Variants in STK32C observed in about 807,000 individuals in gnomAD.
STK32C encodes the protein serine/threonine-protein kinase 32C.
A neutral mutation model predicts 56.5 loss-of-function variants in STK32C; 31 were observed. The observed-to-expected ratio is 0.55, with a 90% CI of 0.41 to 0.74. STK32C has a LOEUF of 0.74. Among genes scored for constraint, STK32C ranks in the 30% least tolerant of loss-of-function variants. The pLI is 0.00. For missense variants in STK32C, 544 were observed against 676.9 expected (o/e 0.80, Z 2.18); for synonymous variants, 309 against 289.4 (o/e 1.07, Z -0.69).
intron 1 of STK32C, among the ~76,000 whole-genome samples, chr10:132,302,410 G>A (rs921397348): frequency 6.6e-5 from 10 of 152,344 alleles, no homozygotes; most frequent in Non-Finnish European, 1.3e-4. Context: ...CAGCTGGGAA[G>A]GAGAAGAGGC....
At chr10:132,245,497 G>A (rs531982721) in intron 2 of STK32C, among the ~76,000 whole-genome samples, 34 of 152,370 alleles carry the variant, frequency 2.2e-4, no homozygotes, top group African/African-American at 8.2e-4. Flanking sequence ...AGGGCACTCT[G>A]GACGGGGCTG....
At chr10:132,311,536 G>T (rs1438476156), upstream of STK32C, among the ~76,000 whole-genome samples, 1 of 152,338 alleles carries the variant, frequency 6.6e-6, no homozygotes, top group East Asian at 1.9e-4. This position sits in a 1 kb window ranked among gnomAD's most constrained non-coding sequence, Gnocchi z 4.4. Flanking sequence ...GATTTTAAAG[G>T]TCATGTGGCC....
Position 132,221,585 on chromosome 10 carries a change from C to T in STK32C, c.1251+1056G>A, listed in dbSNP as rs193065790. Among the ~76,000 whole-genome samples, 79 of 134,100 alleles carry T rather than the reference C, an allele frequency of 5.9e-4. 1 individual carries two copies. Among genetic ancestry groups the T allele is most frequent in the South Asian group, 1.0e-3 (4 of 3,940 alleles). 88.0% of individuals were successfully genotyped at this position (134,100 alleles called of 152,430 possible). ...CCATCCCCGCACACACAACTGACAC[C>T]GATACACCTGGGTGAGTGTGAGGGC... On this transcript the variant is annotated intron_variant, in intron 10 of 11. Coordinates refer to ENST00000298630, the MANE Select transcript of STK32C (RefSeq NM_173575.4).
At chr10:132,320,392 G>A (rs1378282261), downstream of STK32C, among the ~76,000 whole-genome samples, 1 of 152,130 alleles carries the variant, frequency 6.6e-6, no homozygotes, top group African/African-American at 2.4e-5. Flanking sequence ...GTTTTAAAGG[G>A]ACAGTGAGGG....
At chr10:132,282,472 T>TGCCTGCGCCC (rs1359526202) in intron 1 of STK32C, among the ~76,000 whole-genome samples, 2 of 125,744 alleles carry the variant, frequency 1.6e-5, no homozygotes, top group Non-Finnish European at 3.5e-5. Context: ...CGCCCACCTG[T>TGCCTGCGCCC]ACCTGCGCCC....
intron 3 of STK32C, 147 bp from the exon 4 acceptor site, chr10:132,227,115 G>T: frequency 1.1e-6 from 1 of 878,736 alleles, no homozygotes; most frequent in Non-Finnish European, 1.8e-6. Flanking sequence ...CCTGCCCAAG[G>T]CACTGATTGC....
intron 2 of STK32C, among the ~76,000 whole-genome samples, chr10:132,238,622 G>A (rs982753964): frequency 6.6e-6 from 1 of 152,180 alleles, no homozygotes; most frequent in African/African-American, 2.4e-5. Flanking sequence ...TAGAGCAGAC[G>A]GCTGGGGGTG....
At chr10:132,243,988 C>T (rs1364080868) in intron 2 of STK32C, among the ~76,000 whole-genome samples, 2 of 152,220 alleles carry the variant, frequency 1.3e-5, no homozygotes, top group Non-Finnish European at 2.9e-5. Context: ...TGCAGCCCCT[C>T]TGAACTGAGG....
intron 1 of STK32C, among the ~76,000 whole-genome samples, chr10:132,305,082 CAGAGCAGCAGCAGAA>C (rs1326337076): frequency 1.3e-5 from 2 of 152,184 alleles, no homozygotes; most frequent in African/African-American, 4.8e-5. Flanking sequence ...AGCTCTGGTG[CAGAGCAGCAGCAGAA>C]AGACCCCCTA....
intron 4 of STK32C, among the ~76,000 whole-genome samples, chr10:132,226,237 CCATTCGACTTTAAAATATACCTCACAGAT>C (rs1398359225): frequency 6.6e-6 from 1 of 152,230 alleles, no homozygotes; most frequent in Non-Finnish European, 1.5e-5. Flanking sequence ...AAACACCAGT[CCATTCGACTTTAAAATATACCTCACAGAT>C]ATTTTCATTT....
rs748325848 is a variant in STK32C, at chr10:132,245,842, A to T, written c.318+58T>A. On this transcript the variant is annotated intron_variant, in intron 2 of 11. Coordinates refer to ENST00000298630, the MANE Select transcript of STK32C (RefSeq NM_173575.4). ...GTGGGCTCAGGGGACAGCATGTCCG[A>T]CTCCACGGTTCTGCCCCTGCCCCCT... 8 of 1,544,734 alleles carry T rather than the reference A, an allele frequency of 5.2e-6. No homozygotes were observed. In the East Asian group the frequency reaches 1.6e-4, roughly 30 times the overall value.
Position 132,208,171 on chromosome 10 carries a change from T to C in STK32C, c.1320-20A>G. 5.4e-6 allele frequency: 7 copies of C among 1,308,154 alleles called. No individual in the cohort carries two copies. The highest frequency in any genetic ancestry group is 5.9e-6 in the Non-Finnish European group (6 of 1,020,462). 81.0% of individuals were successfully genotyped at this position (1,308,154 alleles called of 1,614,324 possible). ...TTCAGCCTGGGGTGGCAGGAACACA[T>C]GGAGGGCGTTATGCCCCCACCTCCC... On this transcript the variant is annotated intron_variant, in intron 11 of 11. Transcript: ENST00000298630.
rs2062152833 is a variant in STK32C at position 132,208,036 on chromosome 10, T to C, written c.1435A>G (p.Ile479Val). The change falls in exon 12 of 12, where the codon ATT (isoleucine) becomes GTT (valine). Residue 479 changes from isoleucine to valine, a missense_variant. By Grantham distance (29) the Ile-to-Val change is conservative. Around this residue, in one of 3 missense-constraint regions of STK32C, gnomAD observed 277 missense variants for 309.3 expected, o/e 0.90. Transcript: ENST00000298630. The stretch of plus-strand genomic sequence containing the variant: ...TAGCCGCTCCCGGCCGAGGGGCAAA[T>C]GGGGCCGCACATGGGCAGGGCGGAG... ...ERSALPMCGP[I>V]CPSAGSG 7.6e-7 allele frequency: 1 copy of C among 1,310,792 alleles called. No homozygotes were observed. 81.2% of individuals were successfully genotyped at this position (1,310,792 alleles called of 1,614,324 possible). A position where few individuals can be genotyped will look rare whatever the true frequency, so the allele number is the denominator to read the frequency against.
intron 1 of STK32C, among the ~76,000 whole-genome samples, chr10:132,282,674 C>T (rs539933688): frequency 4.6e-5 from 7 of 152,368 alleles, no homozygotes; most frequent in South Asian, 2.1e-4. Flanking sequence ...ACAACGACGA[C>T]GAAGTCAGCT....
intron 1 of STK32C, among the ~76,000 whole-genome samples, chr10:132,328,701 C>T (rs1435345993): frequency 6.6e-6 from 1 of 152,266 alleles, no homozygotes; most frequent in Non-Finnish European, 1.5e-5. Flanking sequence ...TCGGTTAGGT[C>T]TGATCTCTTT....
chr10:132,249,068 C>A (rs1389559383), intron 1 of STK32C: 4 of 478,976 alleles, frequency 8.4e-6, no homozygotes, highest in Admixed American at 6.4e-5. Flanking sequence ...GGCGGCGGCT[C>A]CGGCAGAGGC....
At chr10:132,209,426 G>A in intron 10 of STK32C, 1 of 551,412 alleles carries the variant, frequency 1.8e-6, no homozygotes, top group South Asian at 1.7e-5. Flanking sequence ...CCCTTGCCGG[G>A]CCTTTCCCGT....
rs562139846 is a variant in STK32C, at chr10:132,224,990, C to G, written c.876+243G>C. On this transcript the variant is annotated intron_variant, in intron 7 of 11. Transcript: ENST00000298630. ...GGCCAGTTCTCAGCCTTGTCCACCC[C>G]CACAGAGGCTGGCCTGCAGGCACCA... Among the ~76,000 whole-genome samples the G allele has an allele frequency of 6.6e-5, 10 of 152,358 alleles. No homozygotes were observed. The South Asian group carries it at 2.1e-3, about 32-fold the overall frequency.
chr10:132,235,811 A>G (rs2063267600), intron 2 of STK32C, among the ~76,000 whole-genome samples: 1 of 152,136 alleles, frequency 6.6e-6, no homozygotes, highest in African/African-American at 2.4e-5. Context: ...GGGAGAACAC[A>G]AGCCTGGCGC....
Sources: gnomAD v4.1 joint callset for allele counts (sites outside exome capture counted in the v4.1 genomes callset) on GRCh38, gnomAD v4.1.1 for gene constraint, gnomAD v4.1.1 regional missense constraint, Gnocchi (gnomAD v3.1) non-coding constraint, MANE v1.5 for transcripts, NCBI Gene and HGNC (gene_info 2026-07-23, HGNC 2026-07-21) for gene names.